Variants in SORCS3 observed in about 807,000 individuals in gnomAD.
The protein encoded by SORCS3 is VPS10 domain-containing receptor SorCS3.
Under a neutral mutation model 146.3 loss-of-function variants are expected in SORCS3, and 57 were observed. That is an observed-to-expected ratio of 0.39 (90% confidence interval 0.31 to 0.49). The LOEUF (loss-of-function observed/expected upper bound fraction) is 0.49. Ranked by LOEUF, SORCS3 falls within the 20% of genes least tolerant of loss-of-function variation. The pLI, the probability that SORCS3 is intolerant of heterozygous loss-of-function variation, is 0.92. For missense variants in SORCS3, 1,341 were observed against 1,575.5 expected, an observed-to-expected ratio of 0.85 and a Z score of 2.52; for synonymous variants, 653 against 618.5, an observed-to-expected ratio of 1.06 and a Z score of -0.83.
intron 13 of SORCS3, among the ~76,000 whole-genome samples, chr10:105,176,568 A>G (rs1209277357): frequency 6.6e-6 from 1 of 151,648 alleles, no homozygotes; most frequent in Non-Finnish European, 1.5e-5. Context: ...AAAAAACAAA[A>G]AACATGGCCA....
chr10:104,727,910 A>G (rs896929469), intron 1 of SORCS3, among the ~76,000 whole-genome samples: 29 of 152,096 alleles, frequency 1.9e-4, no homozygotes, highest in African/African-American at 6.5e-4. Flanking sequence ...GAATAGTTTC[A>G]TCCTGAAACC....
chr10:104,808,352 A>G (rs1276312504), intron 1 of SORCS3, among the ~76,000 whole-genome samples: 2 of 152,242 alleles, frequency 1.3e-5, no homozygotes, highest in Admixed American at 6.5e-5. Context: ...ACAAGAAAAT[A>G]GTGGATAGAA....
At chr10:105,188,047 A>T (rs2056490509) in intron 14 of SORCS3, among the ~76,000 whole-genome samples, 1 of 152,016 alleles carries the variant, frequency 6.6e-6, no homozygotes, top group Non-Finnish European at 1.5e-5. Context: ...GAGAAAAAAA[A>T]TTGGGGGAGA....
intron 1 of SORCS3, among the ~76,000 whole-genome samples, chr10:104,696,157 TACA>T (rs1439608569): frequency 4.0e-5 from 5 of 123,672 alleles, no homozygotes; most frequent in Admixed American, 9.8e-5. Flanking sequence ...ATAATATATA[TACA>T]CATATAATAT....
chr10:104,737,291 C>T (rs959683189), intron 1 of SORCS3, among the ~76,000 whole-genome samples: 1 of 151,952 alleles, frequency 6.6e-6, no homozygotes, highest in Non-Finnish European at 1.5e-5. Flanking sequence ...TGGGTATATA[C>T]CCAGTAATGG....
intron 14 of SORCS3, among the ~76,000 whole-genome samples, chr10:105,194,082 T>C (rs1041028101): frequency 6.6e-6 from 1 of 152,184 alleles, no homozygotes; most frequent in Non-Finnish European, 1.5e-5. Context: ...AGAGAATTCA[T>C]TTATTTTGTT....
chr10:105,138,044 G>A (rs1292749382), intron 7 of SORCS3, among the ~76,000 whole-genome samples: 2 of 152,130 alleles, frequency 1.3e-5, no homozygotes, highest in Non-Finnish European at 2.9e-5. Context: ...CAACAATATA[G>A]ATTCAGAACA....
At chr10:104,782,219 C>G (rs932186082) in intron 1 of SORCS3, among the ~76,000 whole-genome samples, 2 of 152,260 alleles carry the variant, frequency 1.3e-5, no homozygotes, top group Middle Eastern at 3.4e-3. Flanking sequence ...ATAAATCTAC[C>G]TGATACTCCT....
chr10:104,820,054 G>A (rs1005402655), intron 1 of SORCS3, among the ~76,000 whole-genome samples: 1 of 152,128 alleles, frequency 6.6e-6, no homozygotes, highest in Non-Finnish European at 1.5e-5. Flanking sequence ...GATTCTAGTG[G>A]AGGTTCTCAT....
At chr10:104,993,390 G>T (rs2133664863) in intron 4 of SORCS3, among the ~76,000 whole-genome samples, 1 of 152,340 alleles carries the variant, frequency 6.6e-6, no homozygotes, top group East Asian at 1.9e-4. Context: ...ACCAGTAGCT[G>T]TCTGAGTAAG....
intron 7 of SORCS3, among the ~76,000 whole-genome samples, chr10:105,106,427 C>A (rs1328621649): frequency 6.6e-6 from 1 of 152,182 alleles, no homozygotes; most frequent in Admixed American, 6.5e-5. Flanking sequence ...ATCCTCTGAA[C>A]CCTTGCAACT....
intron 5 of SORCS3, among the ~76,000 whole-genome samples, chr10:105,067,256 G>C (rs7073915): frequency 1.3e-5 from 2 of 152,142 alleles, no homozygotes. Flanking sequence ...GCCAGGCATG[G>C]TGGCTCAAGC....
intron 13 of SORCS3, 141 bp downstream of exon 13, chr10:105,167,490 C>G (rs1024539990): frequency 5.8e-5 from 36 of 622,590 alleles, no homozygotes; most frequent in Non-Finnish European, 9.2e-5. Context: ...CATTTAATAG[C>G]CTTTACATCA....
At position 104,731,901 on chromosome 10, in the gene SORCS3, C is replaced by T. The variant is rs186853573; in HGVS notation, c.627+89947C>T. On this transcript the variant is annotated intron_variant, in intron 1 of 26. Coordinates refer to ENST00000369701, the MANE Select transcript of SORCS3 (RefSeq NM_014978.3). Reference sequence around the variant, plus strand: ...ATGGTGGTGACATTGATCCCACCTTCCAGCTATGGGCTCAGAAGTCAGAGG... The same window carrying T: ...ATGGTGGTGACATTGATCCCACCTTTCAGCTATGGGCTCAGAAGTCAGAGG... 1.8e-3 allele frequency among the ~76,000 whole-genome samples: 277 copies of T among 152,334 alleles called. 1 individual carries two copies. Among genetic ancestry groups the T allele is most frequent in the South Asian group, 4.8e-3 (23 of 4,824 alleles).
intron 3 of SORCS3, among the ~76,000 whole-genome samples, chr10:104,926,202 T>C (rs2019143221): frequency 6.6e-6 from 1 of 152,198 alleles, no homozygotes; most frequent in Admixed American, 6.5e-5. Context: ...CCAGGAGGCA[T>C]GCTGCCACTT....
At chr10:105,078,031 G>A (rs532237488) in intron 5 of SORCS3, among the ~76,000 whole-genome samples, 1 of 152,318 alleles carries the variant, frequency 6.6e-6, no homozygotes, top group South Asian at 2.1e-4. Flanking sequence ...GTTTTCACAG[G>A]ACGATCACAT....
At position 104,794,219 on chromosome 10, in the gene SORCS3, G is replaced by A. The variant is rs898103143; in HGVS notation, c.628-48573G>A. On this transcript the variant is annotated intron_variant, in intron 1 of 26. Coordinates refer to ENST00000369701, the MANE Select transcript of SORCS3 (RefSeq NM_014978.3). Reference sequence around the variant, plus strand: ...TGTACTATTGTCAGACTCTATACCCGTATTTTTGTCAGGCCTCGTGTCCAG... The same window carrying A: ...TGTACTATTGTCAGACTCTATACCCATATTTTTGTCAGGCCTCGTGTCCAG... Among the ~76,000 whole-genome samples the A allele has an allele frequency of 4.6e-5, 7 of 152,094 alleles. No individual in the cohort carries two copies. The East Asian group carries it at 7.7e-4, about 17-fold the overall frequency.
chr10:105,080,490 T>G (rs1423596259), intron 5 of SORCS3, among the ~76,000 whole-genome samples: 1 of 152,186 alleles, frequency 6.6e-6, no homozygotes, highest in Non-Finnish European at 1.5e-5. Flanking sequence ...TTCTGTAGGT[T>G]GTCTGTTTAT....
intron 14 of SORCS3, among the ~76,000 whole-genome samples, chr10:105,197,610 A>C (rs1195568141): frequency 6.6e-6 from 1 of 152,202 alleles, no homozygotes; most frequent in African/African-American, 2.4e-5. Flanking sequence ...TAAATATTTT[A>C]TGTCTCCCTG....
Sources: allele counts gnomAD v4.1 joint callset (sites outside exome capture counted in the v4.1 genomes callset), GRCh38; gene constraint gnomAD v4.1.1; transcripts MANE v1.5; gene names NCBI Gene and HGNC (gene_info 2026-07-23, HGNC 2026-07-21).